The following GNAI3 variants were observed in gnomAD, a reference collection of about 807,000 sequenced individuals.
The protein encoded by GNAI3 is guanine nucleotide-binding protein G(i) subunit alpha-3.
A neutral mutation model predicts 41.8 loss-of-function variants in GNAI3; 12 were observed. That is an observed-to-expected ratio of 0.29 (90% CI 0.18 to 0.47). The LOEUF (loss-of-function observed/expected upper bound fraction) is 0.47, where lower values mean the gene tolerates loss of function less well. Among genes scored for constraint, GNAI3 ranks in the 20% least tolerant of loss-of-function variants. The pLI, the probability that GNAI3 is intolerant of heterozygous loss-of-function variation, is 1.00. For synonymous variants in GNAI3, 132 were observed against 146.5 expected (o/e 0.90, Z 0.71); for missense variants, 360 against 429.6 (o/e 0.84, Z 1.43).
At chr1:109,574,990 G>A (rs550097490) in intron 3 of GNAI3, among the ~76,000 whole-genome samples, 18 of 152,336 alleles carry the variant, frequency 1.2e-4, no homozygotes, top group Non-Finnish European at 4.4e-5. Context: ...TGAAAGGGTA[G>A]TCACAGTTGG....
intron 1 of GNAI3, among the ~76,000 whole-genome samples, chr1:109,571,966 T>C (rs1291754200): frequency 6.6e-6 from 1 of 151,702 alleles, no homozygotes; most frequent in Non-Finnish European, 1.5e-5. Context: ...TGAGTTTAGA[T>C]AGGGAAAAGG....
intron 7 of GNAI3, among the ~76,000 whole-genome samples, chr1:109,590,040 C>G (rs1422328786): frequency 6.6e-6 from 1 of 152,170 alleles, no homozygotes; most frequent in African/African-American, 2.4e-5. Flanking sequence ...TAAGACACCT[C>G]TAAGACCAGA....
intron 1 of GNAI3, among the ~76,000 whole-genome samples, chr1:109,553,493 C>T (rs942099696): frequency 3.3e-5 from 5 of 152,096 alleles, no homozygotes; most frequent in Non-Finnish European, 7.4e-5. Context: ...GCTGAATATG[C>T]TTATTATTGA....
At chr1:109,560,445 G>A (rs965893422) in intron 1 of GNAI3, among the ~76,000 whole-genome samples, 12 of 152,010 alleles carry the variant, frequency 7.9e-5, no homozygotes, top group South Asian at 6.2e-4. Flanking sequence ...TTGCCTTGCC[G>A]TGATCAAAAC....
At chr1:109,570,973 G>A (rs913259372) in intron 1 of GNAI3, among the ~76,000 whole-genome samples, 1 of 152,204 alleles carries the variant, frequency 6.6e-6, no homozygotes, top group Non-Finnish European at 1.5e-5. Context: ...GGTTTCCAAT[G>A]TTCAGGAACA....
Position 109,596,246 on chromosome 1 carries a change from A to G in GNAI3, c.*3924A>G, listed in dbSNP as rs1434786477. 6.6e-6 allele frequency: 1 copy of G among 152,192 alleles called. No individual in the cohort carries two copies. The highest frequency in any genetic ancestry group is 2.4e-5 in the African/African-American group (1 of 41,430). 9.4% of individuals were successfully genotyped at this position (152,192 alleles called of 1,614,324 possible). A position where few individuals can be genotyped will look rare whatever the true frequency, so the allele number is the denominator to read the frequency against. On this transcript the variant is annotated 3_prime_UTR_variant, in exon 9 of 9. Coordinates refer to ENST00000369851, the MANE Select transcript of GNAI3 (RefSeq NM_006496.4). ...TTATGCCTTTATCTTTTAGTTTTTA[A>G]GATCATTTCTCTCCCTCCTTTCCCC...
intron 5 of GNAI3, 135 bp from the exon 6 acceptor site, chr1:109,586,081 C>T: frequency 1.7e-6 from 1 of 606,050 alleles, no homozygotes; most frequent in Non-Finnish European, 2.7e-6. Flanking sequence ...ATTTTGACTG[C>T]ATTTAATCTA....
At chr1:109,582,358 T>C in intron 4 of GNAI3, 79 bp from the exon 5 acceptor site, 2 of 1,069,316 alleles carry the variant, frequency 1.9e-6, no homozygotes, top group East Asian at 2.5e-5. Flanking sequence ...AGGTTTAAAA[T>C]AGGAACTAAT....
At chr1:109,577,577 C>T (rs1041416512) in intron 3 of GNAI3, among the ~76,000 whole-genome samples, 1 of 152,010 alleles carries the variant, frequency 6.6e-6, no homozygotes, top group African/African-American at 2.4e-5. Context: ...GCCCGACCAG[C>T]TAAGGTGTCT....
chr1:109,552,172 A>T (rs1359360500), intron 1 of GNAI3, among the ~76,000 whole-genome samples: 2 of 152,102 alleles, frequency 1.3e-5, no homozygotes, highest in East Asian at 3.8e-4. Context: ...TCAAAAAAAA[A>T]AAAAATAAAG....
At chr1:109,580,701 T>G (rs1360245829) in intron 4 of GNAI3, among the ~76,000 whole-genome samples, 1 of 152,218 alleles carries the variant, frequency 6.6e-6, no homozygotes, top group Admixed American at 6.5e-5. Flanking sequence ...GGTAAGTATT[T>G]GTGTATCTCA....
intron 1 of GNAI3, among the ~76,000 whole-genome samples, chr1:109,549,395 A>G (rs1292353955): frequency 2.0e-5 from 3 of 152,224 alleles, no homozygotes; most frequent in African/African-American, 7.2e-5. Context: ...TTATCCAGGA[A>G]CATGAAGATA....
Position 109,598,789 on chromosome 1 carries a change from A to C in GNAI3, c.*6467A>C, listed in dbSNP as rs1289215024. ...GCAGTCTCCAGTGTCTTCTGACCTC[A>C]CAGAAATGTTTTCATGCTTTTACCT... On this transcript the variant is annotated 3_prime_UTR_variant, in exon 9 of 9. Coordinates refer to ENST00000369851, the MANE Select transcript of GNAI3 (RefSeq NM_006496.4). The C allele has an allele frequency of 4.1e-6, 2 of 485,394 alleles. No individual in the cohort carries two copies. Among genetic ancestry groups the C allele is most frequent in the African/African-American group, 3.9e-5 (2 of 50,980 alleles). The allele number at this position is 485,394 out of a possible 1,614,324, so 30.1% of individuals were successfully genotyped here.
Position 109,548,713 on chromosome 1 carries a change from C to G in GNAI3, c.-8C>G. 3 of 1,604,976 alleles carry G rather than the reference C, an allele frequency of 1.9e-6. No homozygotes were observed. The highest frequency in any genetic ancestry group is 2.6e-6 in the Non-Finnish European group (3 of 1,172,556). ...GTCCGGGCCCGTGTCCCCTCTCCCG[C>G]CGCCGCCATGGGCTGCACGTTGAGC... On this transcript the variant is annotated 5_prime_UTR_variant, in exon 1 of 9. Coordinates refer to ENST00000369851, the MANE Select transcript of GNAI3 (RefSeq NM_006496.4).
rs533868804 is a variant in GNAI3, at chr1:109,595,505, T to A, written c.*3183T>A. 30 of 152,340 alleles carry A rather than the reference T, an allele frequency of 2.0e-4. No individual in the cohort carries two copies. The highest frequency in any genetic ancestry group is 1.4e-3 in the Admixed American group (21 of 15,308). 9.4% of individuals were successfully genotyped at this position (152,340 alleles called of 1,614,324 possible). A position where few individuals can be genotyped will look rare whatever the true frequency, so the allele number is the denominator to read the frequency against. On this transcript the variant is annotated 3_prime_UTR_variant, in exon 9 of 9. Coordinates refer to ENST00000369851, the MANE Select transcript of GNAI3 (RefSeq NM_006496.4). ...AAAAAAACTTCTTGCCTTGTTTTTT[T>A]AATTTTCATATATATTCTATTTGTT...
chr1:109,579,973 T>A (rs1042760894), intron 4 of GNAI3, among the ~76,000 whole-genome samples: 22 of 152,340 alleles, frequency 1.4e-4, no homozygotes, highest in African/African-American at 5.3e-4. Flanking sequence ...CTCTTTTACA[T>A]ATACTTATTT....
At chr1:109,581,128 A>G (rs1648879646) in intron 4 of GNAI3, among the ~76,000 whole-genome samples, 1 of 152,180 alleles carries the variant, frequency 6.6e-6, no homozygotes, top group African/African-American at 2.4e-5. Flanking sequence ...GGTTTTATAG[A>G]TCATTAATGA....
At chr1:109,575,601 G>C (rs552949186) in intron 3 of GNAI3, among the ~76,000 whole-genome samples, 19 of 119,886 alleles carry the variant, frequency 1.6e-4, no homozygotes, top group Non-Finnish European at 2.4e-4. Context: ...GGAATGCAAT[G>C]GCTGGCTGCA....
chr1:109,568,710 G>A (rs1449746883), intron 1 of GNAI3, among the ~76,000 whole-genome samples: 1 of 152,106 alleles, frequency 6.6e-6, no homozygotes, highest in East Asian at 1.9e-4. Context: ...GCCAGAACAA[G>A]GTCTTGCTCT....
Sources: gnomAD v4.1 joint callset for allele counts (sites outside exome capture counted in the v4.1 genomes callset) on GRCh38, gnomAD v4.1.1 for gene constraint, MANE v1.5 for transcripts, NCBI Gene and HGNC (gene_info 2026-07-23, HGNC 2026-07-21) for gene names.